The following MMP16 variants were observed in gnomAD, a reference collection of about 807,000 sequenced individuals.
MMP16 encodes matrix metalloproteinase-16.
Under a neutral mutation model 67.8 loss-of-function variants are expected in MMP16, and 12 were observed. That is an observed-to-expected ratio of 0.18 (90% CI 0.11 to 0.29). The LOEUF (loss-of-function observed/expected upper bound fraction) is 0.29. Ranked by LOEUF, MMP16 falls within the 10% of genes least tolerant of loss-of-function variation. MMP16 has a pLI of 1.00. For synonymous variants in MMP16, 249 were observed against 255.9 expected (o/e 0.97, Z 0.26); for missense variants, 475 against 765.7 (o/e 0.62, Z 4.48).
chr8:88,112,666 G>GGGGGGTGTGTGTGTGTGT (rs1554578643), intron 6 of MMP16, among the ~76,000 whole-genome samples: 1 of 146,790 alleles, frequency 6.8e-6, no homozygotes, highest in African/African-American at 2.5e-5. Context: ...AGGACAGAAG[G>GGGGGGTGTGTGTGTGTGT]GTGTGTGTGT....
At chr8:88,327,049 G>A (rs1445139733) in intron 1 of MMP16, 26 bp downstream of exon 1, 1 of 1,613,092 alleles carries the variant, frequency 6.2e-7, no homozygotes, top group Non-Finnish European at 8.5e-7. Context: ...GCAGCGGGGG[G>A]AGGAAGAAAG....
intron 1 of MMP16, among the ~76,000 whole-genome samples, chr8:88,312,573 CA>C (rs1463114119): frequency 6.6e-6 from 1 of 152,126 alleles, no homozygotes; most frequent in African/African-American, 2.4e-5. Context: ...CCATTATCAG[CA>C]AAAGTCTTCT....
intron 4 of MMP16, among the ~76,000 whole-genome samples, chr8:88,156,897 C>T (rs554229784): frequency 6.6e-6 from 1 of 151,898 alleles, no homozygotes; most frequent in African/African-American, 2.4e-5. Flanking sequence ...GATAATAGGG[C>T]AAAATATGTA....
chr8:88,194,844 C>T (rs920272057), intron 2 of MMP16, among the ~76,000 whole-genome samples: 2 of 152,124 alleles, frequency 1.3e-5, no homozygotes, highest in African/African-American at 4.8e-5. Flanking sequence ...TGGCTTTGTT[C>T]AAATAAAAAT....
At chr8:88,161,879 T>C (rs1268325978) in intron 4 of MMP16, among the ~76,000 whole-genome samples, 1 of 152,160 alleles carries the variant, frequency 6.6e-6, no homozygotes, top group Non-Finnish European at 1.5e-5. Context: ...GTGAGTTTCT[T>C]AATCCTGAGT....
At chr8:88,069,442 A>C (rs1303341791) in intron 7 of MMP16, 1 of 531,808 alleles carries the variant, frequency 1.9e-6, no homozygotes, top group South Asian at 1.4e-5. Flanking sequence ...ACAGGCACTG[A>C]CTGCCTTTGT....
rs1281506122 is a variant in MMP16 at position 88,041,973 on chromosome 8, G to A, written c.1490-178C>T. The stretch of plus-strand genomic sequence containing the variant: ...CTGTTAAGATGGCTGTGGCTGCTGT[G>A]CTCCAGGAATGATGCCATCTAATGC... On this transcript the variant is annotated intron_variant, in intron 9 of 9. Transcript: ENST00000286614. This position sits in a 1 kb window ranked among gnomAD's most constrained non-coding sequence, Gnocchi z 6.0. Among the ~76,000 whole-genome samples the A allele has an allele frequency of 6.6e-6, 1 of 152,160 alleles. No homozygotes were observed. The highest frequency in any genetic ancestry group is 6.6e-5 in the Admixed American group (1 of 15,258).
chr8:88,317,633 G>A (rs971298674), intron 1 of MMP16, among the ~76,000 whole-genome samples: 1 of 152,144 alleles, frequency 6.6e-6, no homozygotes, highest in Non-Finnish European at 1.5e-5. Context: ...CAGAGGAAGT[G>A]AGAAAGTAGC....
chr8:88,163,602 T>G (rs1249455788), intron 4 of MMP16, among the ~76,000 whole-genome samples: 1 of 152,102 alleles, frequency 6.6e-6, no homozygotes, highest in Non-Finnish European at 1.5e-5. Flanking sequence ...GAGTATCCGT[T>G]TAAAATTATA....
intron 1 of MMP16, among the ~76,000 whole-genome samples, chr8:88,277,806 C>T (rs1312976499): frequency 6.6e-6 from 1 of 152,122 alleles, no homozygotes; most frequent in Non-Finnish European, 1.5e-5. Flanking sequence ...AAGATTAGCT[C>T]TATATCATTG....
chr8:88,077,331 T>C (rs1239022327), intron 6 of MMP16, among the ~76,000 whole-genome samples: 1 of 152,184 alleles, frequency 6.6e-6, no homozygotes, highest in Non-Finnish European at 1.5e-5. Context: ...GAACAATTCA[T>C]AGAGAAAAGA....
At chr8:88,325,785 C>A (rs1329002276) in intron 1 of MMP16, among the ~76,000 whole-genome samples, 1 of 152,072 alleles carries the variant, frequency 6.6e-6, no homozygotes, top group Non-Finnish European at 1.5e-5. Flanking sequence ...CTGTGAAGGT[C>A]TTTAACTCTT....
At chr8:88,146,228 G>A (rs1407037198) in intron 4 of MMP16, among the ~76,000 whole-genome samples, 1 of 151,868 alleles carries the variant, frequency 6.6e-6, no homozygotes, top group Non-Finnish European at 1.5e-5. Flanking sequence ...AAGACTCTAT[G>A]ATATTAGTAA....
intron 4 of MMP16, among the ~76,000 whole-genome samples, chr8:88,134,173 C>T (rs1259051209): frequency 2.0e-5 from 3 of 151,684 alleles, no homozygotes; most frequent in Non-Finnish European, 4.4e-5. Flanking sequence ...ACTCTAACTC[C>T]AGCAATATGT....
At chr8:88,294,449 C>T (rs564838086) in intron 1 of MMP16, among the ~76,000 whole-genome samples, 37 of 151,084 alleles carry the variant, frequency 2.4e-4, no homozygotes, top group Non-Finnish European at 5.0e-4. Context: ...TCTATATACA[C>T]ACATATGCAT....
intron 1 of MMP16, among the ~76,000 whole-genome samples, chr8:88,280,554 G>A (rs1212651074): frequency 1.3e-5 from 2 of 152,210 alleles, no homozygotes; most frequent in Non-Finnish European, 2.9e-5. Flanking sequence ...TACACAGACA[G>A]ATGACAGGTA....
At chr8:88,131,533 A>C (rs917330513) in intron 4 of MMP16, among the ~76,000 whole-genome samples, 9 of 151,770 alleles carry the variant, frequency 5.9e-5, no homozygotes, top group African/African-American at 2.2e-4. Flanking sequence ...GTCTCCAAGG[A>C]ATTTACTGTG....
At chr8:88,192,950 C>T (rs758596631) in intron 2 of MMP16, among the ~76,000 whole-genome samples, 2 of 152,046 alleles carry the variant, frequency 1.3e-5, no homozygotes, top group African/African-American at 4.8e-5. Context: ...TTATACACTA[C>T]TGATGGAAAT....
At chr8:88,218,344 A>G (rs1809626226) in intron 1 of MMP16, among the ~76,000 whole-genome samples, 1 of 151,998 alleles carries the variant, frequency 6.6e-6, no homozygotes, top group Non-Finnish European at 1.5e-5. Flanking sequence ...TGTAGGGGAA[A>G]TTGAAGGATT....
Sources: gnomAD v4.1 joint callset for allele counts (sites outside exome capture counted in the v4.1 genomes callset) on GRCh38, gnomAD v4.1.1 for gene constraint, Gnocchi (gnomAD v3.1) non-coding constraint, MANE v1.5 for transcripts, NCBI Gene and HGNC (gene_info 2026-07-23, HGNC 2026-07-21) for gene names.